The following XPR1 variants were observed in gnomAD, a reference collection of about 807,000 sequenced individuals.
XPR1 encodes the protein xenotropic and polytropic retrovirus receptor 1.
XPR1 carries 28 observed loss-of-function variants against 87.5 expected under a neutral mutation model. That is an observed-to-expected ratio of 0.32 (90% CI 0.24 to 0.44). XPR1 has a LOEUF of 0.44. Among genes scored for constraint, XPR1 ranks in the 20% least tolerant of loss-of-function variants. The probability of loss-of-function intolerance (pLI) is 1.00; values close to 1 mark genes in which losing one functional copy is unlikely to be tolerated. For synonymous variants in XPR1, 300 were observed against 306.1 expected, an observed-to-expected ratio of 0.98 and a Z score of 0.21; for missense variants, 559 against 862.3, an observed-to-expected ratio of 0.65 and a Z score of 4.41.
intron 13 of XPR1, among the ~76,000 whole-genome samples, chr1:180,875,363 G>A (rs1360953815): frequency 1.3e-5 from 2 of 151,994 alleles, no homozygotes; most frequent in Non-Finnish European, 2.9e-5. Context: ...ACAAAAATTA[G>A]CTGGGCATGG....
intron 2 of XPR1, among the ~76,000 whole-genome samples, chr1:180,709,174 A>G (rs12064405): frequency 0.35 from 52,669 of 152,082 alleles, 9,550 homozygotes; most frequent in Non-Finnish European, 0.39. Context: ...GGCCTCCCAA[A>G]GTGCTGGGAT....
At chr1:180,815,239 C>T (rs1650365413) in intron 7 of XPR1, among the ~76,000 whole-genome samples, 1 of 150,568 alleles carries the variant, frequency 6.6e-6, no homozygotes, top group Admixed American at 6.6e-5. Flanking sequence ...TTAATTGCTA[C>T]AATTTGAGGG....
chr1:180,851,523 A>C (rs1400923053), intron 11 of XPR1, among the ~76,000 whole-genome samples: 1 of 152,238 alleles, frequency 6.6e-6, no homozygotes, highest in Non-Finnish European at 1.5e-5. Flanking sequence ...ATAACCTAGA[A>C]AGGTATGGTG....
intron 6 of XPR1, 91 bp downstream of exon 6, chr1:180,806,648 C>A: frequency 1.7e-6 from 2 of 1,187,640 alleles, no homozygotes; most frequent in South Asian, 1.7e-5. Context: ...AAAAAATTTT[C>A]AGCCAAAGTT....
At chr1:180,850,569 A>G (rs375844683) in intron 11 of XPR1, among the ~76,000 whole-genome samples, 3 of 152,122 alleles carry the variant, frequency 2.0e-5, no homozygotes, top group African/African-American at 7.2e-5. Context: ...TATGTTTATC[A>G]CTTTTTTCAG....
chr1:180,821,319 C>G lies in XPR1; in HGVS notation c.764-3434C>G, dbSNP rs1051184703. Among the ~76,000 whole-genome samples, 5 of 152,164 alleles carry G rather than the reference C, an allele frequency of 3.3e-5. No individual in the cohort carries two copies. In the South Asian group the frequency reaches 1.0e-3, roughly 32 times the overall value. ...CTGTTGAAGAGAATATTCTTTTCCA[C>G]TGAATGGTGTTGGCACTCATGTTGA... is the stretch of plus-strand genomic sequence containing the variant. On this transcript the variant is annotated intron_variant, in intron 7 of 14. Coordinates refer to ENST00000367590, the MANE Select transcript of XPR1 (RefSeq NM_004736.4).
intron 2 of XPR1, among the ~76,000 whole-genome samples, chr1:180,720,602 G>A (rs1216572016): frequency 3.3e-5 from 5 of 152,170 alleles, no homozygotes; most frequent in Non-Finnish European, 5.9e-5. Flanking sequence ...GATTTTCAAA[G>A]TGTGGTTCTT....
intron 2 of XPR1, among the ~76,000 whole-genome samples, chr1:180,751,226 C>T (rs1247303791): frequency 6.6e-6 from 1 of 151,920 alleles, no homozygotes; most frequent in Non-Finnish European, 1.5e-5. Context: ...CCTTTCCTAT[C>T]AATATGCCTT....
At chr1:180,656,609 GTATAATATATTTTATATATGTATGTATAA>G (rs1557941784) in intron 1 of XPR1, among the ~76,000 whole-genome samples, 3 of 67,770 alleles carry the variant, frequency 4.4e-5, no homozygotes, top group African/African-American at 1.1e-4. Context: ...ATATATGTAT[GTATAATATATTTTATATATGTATGTATAA>G]TATATTATTA....
rs10494535 is a variant in XPR1 at position 180,889,323 on chromosome 1, C to T, written c.*5257C>T. 25,540 of 152,150 alleles carry T rather than the reference C, an allele frequency of 0.17. 2,512 individuals carry two copies. Among genetic ancestry groups the T allele is most frequent in the East Asian group, 0.28 (1,432 of 5,160 alleles). The allele number at this position is 152,150 out of a possible 1,614,324, so 9.4% of individuals were successfully genotyped here. A position where few individuals can be genotyped will look rare whatever the true frequency, so the allele number is the denominator to read the frequency against. ...CTACTAAGTACACAGTCTCGTATACCTTCAAACCAGTTACTTGACTAAACT... is the reference window on the plus strand; with the variant it reads ...CTACTAAGTACACAGTCTCGTATACTTTCAAACCAGTTACTTGACTAAACT... On this transcript the variant is annotated 3_prime_UTR_variant, in exon 15 of 15. Coordinates refer to ENST00000367590, the MANE Select transcript of XPR1 (RefSeq NM_004736.4).
intron 2 of XPR1, among the ~76,000 whole-genome samples, chr1:180,686,403 C>G (rs1466388270): frequency 6.6e-6 from 1 of 152,090 alleles, no homozygotes; most frequent in African/African-American, 2.4e-5. Flanking sequence ...TGCTTTACTT[C>G]CAACTATGTG....
rs1203073872 is a variant in XPR1, at chr1:180,887,941, G to C, written c.*3875G>C. 2 of 152,346 alleles carry C rather than the reference G, an allele frequency of 1.3e-5. No individual in the cohort carries two copies. Among genetic ancestry groups the C allele is most frequent in the Middle Eastern group, 3.4e-3 (1 of 294 alleles). 9.4% of individuals were successfully genotyped at this position (152,346 alleles called of 1,614,324 possible). A position where few individuals can be genotyped will look rare whatever the true frequency, so the allele number is the denominator to read the frequency against. ...GAACAGAAAAAAGTAAAGTAGTATT[G>C]AGTCATGCAGGTATCAGATTAACAG... On this transcript the variant is annotated 3_prime_UTR_variant, in exon 15 of 15. Transcript: ENST00000367590.
At chr1:180,794,168 A>G (rs1180409492) in intron 3 of XPR1, among the ~76,000 whole-genome samples, 1 of 152,228 alleles carries the variant, frequency 6.6e-6, no homozygotes, top group Non-Finnish European at 1.5e-5. Flanking sequence ...GGTATATCCT[A>G]TTACACATGT....
Position 180,632,281 on chromosome 1 carries a change from G to T in XPR1, c.69+11G>T. On this transcript the variant is annotated intron_variant, in intron 1 of 14. Transcript: ENST00000367590. ...TACATCCAGTATGAGGTACCGGCAC[G>T]GCTGGGGTGTGGGAGGACTCGGAGG... The T allele has an allele frequency of 1.2e-6, 2 of 1,610,052 alleles. No homozygotes were observed. The highest frequency in any genetic ancestry group is 4.5e-5 in the East Asian group (2 of 44,666).
chr1:180,683,898 C>G (rs1249479356), intron 2 of XPR1, among the ~76,000 whole-genome samples: 4 of 151,942 alleles, frequency 2.6e-5, no homozygotes, highest in East Asian at 1.9e-4. Context: ...AAAATTTTCT[C>G]CCATTCTGTA....
intron 11 of XPR1, among the ~76,000 whole-genome samples, chr1:180,842,282 G>C (rs1242006422): frequency 6.6e-6 from 1 of 152,160 alleles, no homozygotes; most frequent in Non-Finnish European, 1.5e-5. Flanking sequence ...GCATTTTCAA[G>C]ATTGTTTCAG....
intron 11 of XPR1, among the ~76,000 whole-genome samples, chr1:180,854,797 G>A (rs1651978607): frequency 6.6e-6 from 1 of 152,214 alleles, no homozygotes; most frequent in African/African-American, 2.4e-5. Flanking sequence ...TCCTGCCTTT[G>A]TCAAAGCCTT....
chr1:180,833,864 A>T (rs777730214), intron 9 of XPR1, among the ~76,000 whole-genome samples: 1 of 152,198 alleles, frequency 6.6e-6, no homozygotes, highest in Non-Finnish European at 1.5e-5. Flanking sequence ...TATCTGGAAA[A>T]TATAGACAAG....
At chr1:180,776,994 A>G (rs557248405) in intron 2 of XPR1, among the ~76,000 whole-genome samples, 2 of 152,276 alleles carry the variant, frequency 1.3e-5, no homozygotes, top group South Asian at 2.1e-4. Flanking sequence ...ATTCAGAATC[A>G]TTTTGCAGAA....
Sources: allele counts gnomAD v4.1 joint callset (sites outside exome capture counted in the v4.1 genomes callset), GRCh38; gene constraint gnomAD v4.1.1; transcripts MANE v1.5; gene names NCBI Gene and HGNC (gene_info 2026-07-23, HGNC 2026-07-21).